Variants in C3orf20 observed in about 807,000 individuals in gnomAD.
C3orf20 encodes the protein family with sequence similarity 149 member C.
A neutral mutation model predicts 88.3 loss-of-function variants in C3orf20; 76 were observed. That is an observed-to-expected ratio of 0.86 (90% CI 0.72 to 1.04). C3orf20 has a LOEUF of 1.04. C3orf20 is among the 50% of genes least tolerant of loss of function. The pLI is 0.00. For missense variants in C3orf20, 1,056 were observed against 1,123.3 expected (o/e 0.94, Z 0.86); for synonymous variants, 436 against 437.4 (o/e 1.00, Z 0.04).
chr3:14,738,456 G>A (rs1206229007), intron 12 of C3orf20, among the ~76,000 whole-genome samples: 1 of 151,120 alleles, frequency 6.6e-6, no homozygotes, highest in African/African-American at 2.4e-5. Flanking sequence ...AGCCTCCCCA[G>A]TAGCTGGGAC....
At chr3:14,747,791 T>A (rs28762784) in intron 12 of C3orf20, among the ~76,000 whole-genome samples, 6 of 152,170 alleles carry the variant, frequency 3.9e-5, no homozygotes, top group South Asian at 2.1e-4. Context: ...GACCTTTTTT[T>A]AAAAAATGTT....
chr3:14,701,468 C>G lies in C3orf20; in HGVS notation c.746-1662C>G, dbSNP rs2033256479. Among the ~76,000 whole-genome samples the G allele has an allele frequency of 1.7e-5, 1 of 58,658 alleles. No individual in the cohort carries two copies. Among genetic ancestry groups the G allele is most frequent in the African/African-American group, 5.6e-5 (1 of 17,870 alleles). 38.5% of individuals were successfully genotyped at this position (58,658 alleles called of 152,430 possible). On this transcript the variant is annotated intron_variant, in intron 5 of 16. Transcript: ENST00000253697. This position sits in a 1 kb window ranked among gnomAD's most constrained non-coding sequence, Gnocchi z 4.6. ...GACACAAATGACTAAATAGATGCCC[C>G]TGGAACCTAGGGTGGGATATCACTG...
chr3:14,715,988 A>G (rs1167063498), intron 9 of C3orf20, among the ~76,000 whole-genome samples: 1 of 123,530 alleles, frequency 8.1e-6, no homozygotes, highest in East Asian at 2.2e-4. Flanking sequence ...AAACTTATTA[A>G]TAAAGCAACT....
chr3:14,763,750 C>G (rs1318331723), intron 15 of C3orf20, among the ~76,000 whole-genome samples: 1 of 152,140 alleles, frequency 6.6e-6, no homozygotes, highest in Non-Finnish European at 1.5e-5. Context: ...TAGAGTGAGA[C>G]TCACTGTATT....
intron 10 of C3orf20, 43 bp from the exon 11 acceptor site, chr3:14,726,858 T>C: frequency 6.2e-7 from 1 of 1,612,508 alleles, no homozygotes; most frequent in Non-Finnish European, 8.5e-7. Context: ...GCTGGCTCTT[T>C]GAGGGGATGG....
chr3:14,772,342 A>C lies in C3orf20; in HGVS notation c.2630+141A>C. 1.9e-6 allele frequency: 2 copies of C among 1,064,818 alleles called. No homozygotes were observed. Among genetic ancestry groups the C allele is most frequent in the Non-Finnish European group, 2.7e-6 (2 of 732,288 alleles). The allele number at this position is 1,064,818 out of a possible 1,614,324, so 66.0% of individuals were successfully genotyped here. ...CGCTGACATCTAGCCCATGTAATCA[A>C]CACAATATTGGGCGGGCATGCAGGC... is the stretch of plus-strand genomic sequence containing the variant. On this transcript the variant is annotated intron_variant, in intron 16 of 16. Coordinates refer to ENST00000253697, the MANE Select transcript of C3orf20 (RefSeq NM_032137.5). This position sits in a 1 kb window ranked among gnomAD's most constrained non-coding sequence, Gnocchi z 4.2.
In C3orf20 at chr3:14,696,371, C is replaced by CATTATTATTATTATT. The variant is rs141837445; in HGVS notation, c.745+6277_745+6291dup. On this transcript the variant is annotated intron_variant, in intron 5 of 16. Transcript: ENST00000253697. ...ATATCTTGAAAAGTTGTTGTGCTAT[C>CATTATTATTATTATT]ATTATTATTATTATTATTATTATTA... Among the ~76,000 whole-genome samples, 421 of 142,040 alleles carry CATTATTATTATTATT rather than the reference C, an allele frequency of 3.0e-3. 3 individuals are homozygous for CATTATTATTATTATT. The highest frequency in any genetic ancestry group is 9.5e-3 in the African/African-American group (367 of 38,818). The allele number at this position is 142,040 out of a possible 152,430, so 93.2% of individuals were successfully genotyped here.
intron 4 of C3orf20, among the ~76,000 whole-genome samples, chr3:14,686,303 G>C (rs78022505): frequency 2.6e-5 from 4 of 152,122 alleles, no homozygotes; most frequent in Admixed American, 2.0e-4. Context: ...GCATAGGAGC[G>C]TAGATATCTC....
intron 12 of C3orf20, among the ~76,000 whole-genome samples, chr3:14,744,800 T>C (rs1448105093): frequency 1.3e-5 from 2 of 152,104 alleles, no homozygotes; most frequent in East Asian, 1.9e-4. Flanking sequence ...GAGAATAGCA[T>C]GGGAAAGACC....
At chr3:14,704,718 A>G in intron 7 of C3orf20, 100 bp downstream of exon 7, 6 of 1,431,038 alleles carry the variant, frequency 4.2e-6, no homozygotes, top group Non-Finnish European at 5.7e-6. Context: ...CCTTTTAGTT[A>G]TCAGAGAAGC....
chr3:14,754,969 C>T (rs2035320536), intron 12 of C3orf20, among the ~76,000 whole-genome samples: 1 of 152,182 alleles, frequency 6.6e-6, no homozygotes, highest in African/African-American at 2.4e-5. Context: ...AAGTGATCCT[C>T]CTGCCTCAGC....
chr3:14,772,157 C>T lies in C3orf20; in HGVS notation c.2586C>T (p.Ala862=). Residue 862 remains alanine (A), a synonymous_variant, in exon 16 of 17, where the codon GCC becomes GCT. Transcript: ENST00000253697. The surrounding 1 kb of genome is among the most constrained non-coding windows in gnomAD (Gnocchi z 4.2). ...TCCAAGGAAGCAGCTCCTCATTGGCCCTGGAAGACTATGTGGAGAAGGAGT... is the reference window on the plus strand; with the variant it reads ...TCCAAGGAAGCAGCTCCTCATTGGCTCTGGAAGACTATGTGGAGAAGGAGT... ...EDIQGSSSSL[A]LEDYVEKELS... The T allele has an allele frequency of 1.2e-6, 2 of 1,614,170 alleles. No individual in the cohort carries two copies. Among genetic ancestry groups the T allele is most frequent in the Non-Finnish European group, 1.7e-6 (2 of 1,180,014 alleles).
rs772101163 is a variant in C3orf20, at chr3:14,757,543, C to T, written c.2113C>T (p.Arg705Ter). The change falls in exon 13 of 17, where the codon CGA becomes TGA. Residue 705 changes from arginine to a stop codon, truncating the protein, a stop_gained. Coordinates refer to ENST00000253697, the MANE Select transcript of C3orf20 (RefSeq NM_032137.5). LOFTEE classifies it high-confidence loss of function. ...VELERFLLAP[R>*]DPSQVLVFGI... The stretch of plus-strand genomic sequence containing the variant: ...GCTGGAGCGCTTCCTGTTGGCGCCC[C>T]GAGACCCCAGCCAAGTGCTGGTGTT... 18 of 1,614,016 alleles carry T rather than the reference C, an allele frequency of 1.1e-5. No individual in the cohort carries two copies. Among genetic ancestry groups the T allele is most frequent in the African/African-American group, 1.3e-5 (1 of 74,946 alleles).
rs760001153 is a variant in C3orf20, at chr3:14,713,990, C to A, written c.1161-17C>A. 6.2e-7 allele frequency: 1 copy of A among 1,613,370 alleles called. No individual in the cohort carries two copies. The highest frequency in any genetic ancestry group is 1.1e-5 in the South Asian group (1 of 91,042). On this transcript the variant is annotated splice_polypyrimidine_tract_variant and intron_variant, in intron 7 of 16. Coordinates refer to ENST00000253697, the MANE Select transcript of C3orf20 (RefSeq NM_032137.5). ...CAGGGGAGTTTTCTGTTAGTTCTAC[C>A]TGAACATTTCTGCCAGCTATCCCTC...
chr3:14,706,766 T>G (rs929435011), intron 7 of C3orf20, among the ~76,000 whole-genome samples: 5 of 152,004 alleles, frequency 3.3e-5, no homozygotes, highest in African/African-American at 1.2e-4. Context: ...GAAGTTGAAC[T>G]CAGTAATCTT....
intron 6 of C3orf20, among the ~76,000 whole-genome samples, chr3:14,703,507 G>T (rs1359892633): frequency 6.6e-6 from 1 of 152,210 alleles, no homozygotes; most frequent in Admixed American, 6.5e-5. Flanking sequence ...ACCATGCAAG[G>T]AAGACAGGAT....
chr3:14,683,267 G>A (rs1377082991), intron 3 of C3orf20, 70 bp downstream of exon 3: 6 of 1,501,514 alleles, frequency 4.0e-6, no homozygotes, highest in Non-Finnish European at 2.7e-6. Context: ...GGCACATGCT[G>A]GGAACAGGTG....
At chr3:14,756,600 G>A (rs2125029693) in intron 12 of C3orf20, among the ~76,000 whole-genome samples, 1 of 152,274 alleles carries the variant, frequency 6.6e-6, no homozygotes, top group East Asian at 1.9e-4. Context: ...TCATTAAGAA[G>A]GTAACGTTTG....
At chr3:14,722,539 C>T (rs2034200505) in intron 10 of C3orf20, 1 of 456,718 alleles carries the variant, frequency 2.2e-6, no homozygotes, top group Non-Finnish European at 4.4e-6. Flanking sequence ...GTTGATGACC[C>T]TCTCTCTACC....
Sources: allele counts gnomAD v4.1 joint callset (sites outside exome capture counted in the v4.1 genomes callset), GRCh38; gene constraint gnomAD v4.1.1; non-coding constraint Gnocchi (gnomAD v3.1); transcripts MANE v1.5; gene names NCBI Gene and HGNC (gene_info 2026-07-23, HGNC 2026-07-21).